MEGF10: variants seen among roughly 807,000 people sequenced by gnomAD.
The protein encoded by MEGF10 is multiple EGF like domains 10.
A neutral mutation model predicts 147.5 loss-of-function variants in MEGF10; 86 were observed. The ratio of observed to expected loss-of-function variants is 0.58; its 90% CI spans 0.49 to 0.70. The LOEUF (loss-of-function observed/expected upper bound fraction) is 0.70. MEGF10 is among the 30% of genes least tolerant of loss of function. The probability of loss-of-function intolerance (pLI) is 0.00; values close to 1 mark genes in which losing one functional copy is unlikely to be tolerated. For missense variants in MEGF10, 1,329 were observed against 1,487.3 expected, an observed-to-expected ratio of 0.89 and a Z score of 1.75; for synonymous variants, 478 against 525.5, an observed-to-expected ratio of 0.91 and a Z score of 1.24.
intron 5 of MEGF10, among the ~76,000 whole-genome samples, chr5:127,372,532 T>C (rs1762884104): frequency 6.6e-6 from 1 of 152,230 alleles, no homozygotes; most frequent in East Asian, 1.9e-4. Context: ...GGATTCCAGC[T>C]CAGGCCAACA....
chr5:127,380,837 C>A (rs751200023), intron 5 of MEGF10, among the ~76,000 whole-genome samples: 18 of 152,142 alleles, frequency 1.2e-4, no homozygotes, highest in Non-Finnish European at 2.2e-4. Flanking sequence ...TTCTTAATGA[C>A]TTGGCAGAAG....
chr5:127,399,947 T>C (rs1764062377), intron 7 of MEGF10, among the ~76,000 whole-genome samples: 1 of 152,200 alleles, frequency 6.6e-6, no homozygotes, highest in Non-Finnish European at 1.5e-5. Context: ...AGATTTATAT[T>C]TGTCACCCCA....
chr5:127,361,218 G>C (rs776417661), intron 4 of MEGF10, among the ~76,000 whole-genome samples: 2 of 151,752 alleles, frequency 1.3e-5, no homozygotes, highest in African/African-American at 2.4e-5. Flanking sequence ...TAATTTAATT[G>C]CTTTAAAATA....
chr5:127,325,909 ATTT>A (rs201136774), intron 1 of MEGF10, among the ~76,000 whole-genome samples: 61 of 105,040 alleles, frequency 5.8e-4, no homozygotes, highest in East Asian at 4.8e-3. Flanking sequence ...ATATATATAT[ATTT>A]TTTTTTTTTT....
chr5:127,404,809 A>G (rs111615826), intron 8 of MEGF10, among the ~76,000 whole-genome samples: 35,523 of 151,662 alleles, frequency 0.23, 4,778 homozygotes, highest in African/African-American at 0.38. Flanking sequence ...TCCATCTCCC[A>G]GGTTCAAGCA....
intron 16 of MEGF10, 86 bp from the exon 17 acceptor site, chr5:127,438,353 G>C (rs1269922756): frequency 2.1e-6 from 3 of 1,434,154 alleles, no homozygotes; most frequent in Non-Finnish European, 2.9e-6. Flanking sequence ...CTCACATGCA[G>C]GGAGATGTGT....
chr5:127,315,569 A>G (rs1440830766), intron 1 of MEGF10, among the ~76,000 whole-genome samples: 1 of 152,144 alleles, frequency 6.6e-6, no homozygotes, highest in Non-Finnish European at 1.5e-5. Flanking sequence ...TGAGCCCAGG[A>G]GTTCAAGACC....
chr5:127,418,294 A>G (rs1165687859), intron 10 of MEGF10, among the ~76,000 whole-genome samples: 1 of 152,226 alleles, frequency 6.6e-6, no homozygotes. Flanking sequence ...TTCCATGCAT[A>G]ATAGAGCAGA....
At chr5:127,261,006 G>T in the MEGF10 span, among the ~76,000 whole-genome samples, 14 of 152,282 alleles carry the variant, frequency 9.2e-5, no homozygotes, top group Admixed American at 4.6e-4. Flanking sequence ...TTCCTATGGG[G>T]CGCTCTGCTC....
At chr5:127,434,914 T>C (rs903942325) in intron 15 of MEGF10, 93 bp downstream of exon 15, 32 of 1,059,376 alleles carry the variant, frequency 3.0e-5, no homozygotes, top group African/African-American at 4.8e-5. Flanking sequence ...CTGAAGGCCA[T>C]GTTTTCAGCT....
chr5:127,301,512 A>T (rs9968627), intron 1 of MEGF10, among the ~76,000 whole-genome samples: 2 of 152,048 alleles, frequency 1.3e-5, no homozygotes, highest in Non-Finnish European at 2.9e-5. Flanking sequence ...TACAGGTTGG[A>T]TGTTGATTTA....
chr5:127,362,056 CTACTA>C (rs1179369385), intron 4 of MEGF10, among the ~76,000 whole-genome samples: 4 of 151,486 alleles, frequency 2.6e-5, no homozygotes, highest in African/African-American at 7.2e-5. Flanking sequence ...AGTTTCAAAT[CTACTA>C]TATCTTTTCT....
intron 5 of MEGF10, among the ~76,000 whole-genome samples, chr5:127,388,437 C>T (rs1458185033): frequency 6.6e-6 from 1 of 152,130 alleles, no homozygotes; most frequent in Non-Finnish European, 1.5e-5. Flanking sequence ...GCGTAAGCCA[C>T]CATGCCCAGC....
Position 127,322,109 on chromosome 5 carries a change from G to GA in MEGF10, c.-18-9171dup, listed in dbSNP as rs78102287. Among the ~76,000 whole-genome samples the GA allele has an allele frequency of 6.2e-3, 870 of 140,564 alleles. 10 individuals carry two copies. The highest frequency in any genetic ancestry group is 0.021 in the African/African-American group (799 of 38,472). The allele number at this position is 140,564 out of a possible 152,430, so 92.2% of individuals were successfully genotyped here. ...AAAATAATAATGCTTTAGGTTAAAA[G>GA]AAAAAAAAAAAGCCCTAAGTCTTCT... On this transcript the variant is annotated intron_variant, in intron 1 of 24. Coordinates refer to ENST00000503335, the MANE Select transcript of MEGF10 (RefSeq NM_001256545.2).
At position 127,419,327 on chromosome 5, in the gene MEGF10, T is replaced by C. The variant is rs995647302; in HGVS notation, c.1426+87T>C. ...AAAAGAAAAACCTTAACCAGGGTTC[T>C]AGCTCCAGTTGCACCAAAATTCAGT... On this transcript the variant is annotated intron_variant, in intron 11 of 24. Transcript: ENST00000503335. 2.7e-6 allele frequency: 4 copies of C among 1,480,332 alleles called. No homozygotes were observed. In the African/African-American group the frequency reaches 5.6e-5, roughly 21 times the overall value. The allele number at this position is 1,480,332 out of a possible 1,614,324, so 91.7% of individuals were successfully genotyped here. A position where few individuals can be genotyped will look rare whatever the true frequency, so the allele number is the denominator to read the frequency against.
At chr5:127,321,405 G>A (rs1275718746) in intron 1 of MEGF10, among the ~76,000 whole-genome samples, 2 of 152,070 alleles carry the variant, frequency 1.3e-5, no homozygotes, top group East Asian at 3.9e-4. Context: ...TGCTCAGGGT[G>A]TGTTTGTGTG....
At chr5:127,340,390 C>G in intron 3 of MEGF10, 140 bp from the exon 4 acceptor site, 1 of 554,920 alleles carries the variant, frequency 1.8e-6, no homozygotes, top group Non-Finnish European at 3.1e-6. Flanking sequence ...AATAGGGAAT[C>G]TTAATATCTT....
the MEGF10 span, among the ~76,000 whole-genome samples, chr5:127,251,700 A>G: frequency 4.6e-5 from 7 of 152,074 alleles, no homozygotes; most frequent in Non-Finnish European, 8.8e-5. Flanking sequence ...AAAGTACTAG[A>G]CATAGCTGCA....
the MEGF10 span, among the ~76,000 whole-genome samples, chr5:127,244,366 C>T: frequency 2.2e-5 from 3 of 133,476 alleles, no homozygotes; most frequent in South Asian, 2.3e-4. Flanking sequence ...TGCGAGACTC[C>T]GAAAAAAAAA....
Sources: gnomAD v4.1 joint callset for allele counts (sites outside exome capture counted in the v4.1 genomes callset) on GRCh38, gnomAD v4.1.1 for gene constraint, MANE v1.5 for transcripts, NCBI Gene and HGNC (gene_info 2026-07-23, HGNC 2026-07-21) for gene names.